The following TOPBP1 variants were observed in gnomAD, a reference collection of about 807,000 sequenced individuals.
The protein encoded by TOPBP1 is DNA topoisomerase 2-binding protein 1.
Under a neutral mutation model 167.7 loss-of-function variants are expected in TOPBP1, and 28 were observed. That is an observed-to-expected ratio of 0.17 (90% CI 0.12 to 0.23). TOPBP1 has a LOEUF of 0.23. Ranked by LOEUF, TOPBP1 falls within the 10% of genes least tolerant of loss-of-function variation. The probability of loss-of-function intolerance (pLI) is 1.00; values close to 1 mark genes in which losing one functional copy is unlikely to be tolerated. For synonymous variants in TOPBP1, 598 were observed against 611.4 expected, an observed-to-expected ratio of 0.98 and a Z score of 0.32; for missense variants, 1,554 against 1,809.6, an observed-to-expected ratio of 0.86 and a Z score of 2.56.
In TOPBP1 at chr3:133,612,460, C is replaced by A. The variant is rs1934714263; in HGVS notation, c.3964G>T (p.Val1322Leu). ...TGAAGCACCCACTTCCCAGCTGCCA[C>A]TGAGGCTAAATACTTCTCGTTTCGA... ...PLRNEKYLAS[V>L]AAGKWVLHRS... Residue 1322 changes from valine (V) to leucine (L), a missense_variant, in exon 24 of 28, where the codon GTG becomes TTG. Val to Leu is a conservative substitution (Grantham distance 32). Transcript: ENST00000260810. 3 of 1,613,892 alleles carry A rather than the reference C, an allele frequency of 1.9e-6. No individual in the cohort carries two copies. The highest frequency in any genetic ancestry group is 2.5e-6 in the Non-Finnish European group (3 of 1,179,878).
chr3:133,652,565 T>A lies in TOPBP1; in HGVS notation c.987A>T (p.Ile329=). 6.2e-7 allele frequency: 1 copy of A among 1,611,304 alleles called. No homozygotes were observed. The highest frequency in any genetic ancestry group is 2.2e-5 in the East Asian group (1 of 44,866). ...NINASCVSES[I]CNSLNSKLEP... ...CCAGTTTGCTGTTAAGTGAATTACATATTGATTCACTTACGCAACTTGCAT... is the reference window on the plus strand; with the variant it reads ...CCAGTTTGCTGTTAAGTGAATTACAAATTGATTCACTTACGCAACTTGCAT... The change falls in exon 8 of 28, where the codon ATA becomes ATT. Residue 329 remains isoleucine, a synonymous_variant. Coordinates refer to ENST00000260810, the MANE Select transcript of TOPBP1 (RefSeq NM_007027.4).
At chr3:133,648,163 CAG>C in intron 10 of TOPBP1, among the ~76,000 whole-genome samples, 1 of 152,244 alleles carries the variant, frequency 6.6e-6, no homozygotes, top group African/African-American at 2.4e-5. Context: ...ATCCAGCAGT[CAG>C]GGAAATAGAT....
chr3:133,655,502 G>A lies in TOPBP1; in HGVS notation c.546-16C>T. 4.5e-6 allele frequency: 6 copies of A among 1,320,160 alleles called. No homozygotes were observed. In the South Asian group the frequency reaches 6.1e-5, roughly 14 times the overall value. 81.8% of individuals were successfully genotyped at this position (1,320,160 alleles called of 1,614,324 possible). ...AGTTATTTTTCTGTGGGAATCAAATGGTTAAAAAAGAACATATTAAATTTA... is the reference window on the plus strand; with the variant it reads ...AGTTATTTTTCTGTGGGAATCAAATAGTTAAAAAAGAACATATTAAATTTA... On this transcript the variant is annotated splice_polypyrimidine_tract_variant and intron_variant, in intron 5 of 27. Coordinates refer to ENST00000260810, the MANE Select transcript of TOPBP1 (RefSeq NM_007027.4).
chr3:133,644,438 G>C (rs1294815666), intron 10 of TOPBP1, 75 bp from the exon 11 acceptor site: 6 of 1,288,190 alleles, frequency 4.7e-6, no homozygotes, highest in Non-Finnish European at 5.3e-6. Context: ...GGATATTAAC[G>C]TAACATGGAA....
chr3:133,622,425 T>G (rs1043861558), intron 19 of TOPBP1, among the ~76,000 whole-genome samples: 2 of 151,874 alleles, frequency 1.3e-5, no homozygotes, highest in African/African-American at 4.8e-5. Context: ...ACTCCTGACC[T>G]TGGGTGATCT....
rs774233549 is a variant in TOPBP1 at position 133,643,299 on chromosome 3, G to A, written c.1922C>T (p.Thr641Ile). 6.8e-6 allele frequency: 11 copies of A among 1,612,990 alleles called. No homozygotes were observed. The highest frequency in any genetic ancestry group is 1.6e-4 in the Middle Eastern group (1 of 6,078). Residue 641 changes from threonine (T) to isoleucine (I), a missense_variant, in exon 12 of 28, where the codon ACA becomes ATA. By Grantham distance (89) the Thr-to-Ile change is moderately conservative. Coordinates refer to ENST00000260810, the MANE Select transcript of TOPBP1 (RefSeq NM_007027.4). Reference sequence around the variant, plus strand: ...ACAATCCTCTAAAGGAGTCATTCCTGTCATTACTGGAACTGGTGTGAAGAG... The same window carrying A: ...ACAATCCTCTAAAGGAGTCATTCCTATCATTACTGGAACTGGTGTGAAGAG... ...NPLFTPVPVMTGMTPLEDCVI... is the reference protein window; with the variant it reads ...NPLFTPVPVMIGMTPLEDCVI...
chr3:133,633,733 A>G (rs1935571103), intron 14 of TOPBP1, among the ~76,000 whole-genome samples: 1 of 152,188 alleles, frequency 6.6e-6, no homozygotes, highest in South Asian at 2.1e-4. Context: ...CAAGGCTATA[A>G]TGGGCTGTGA....
intron 5 of TOPBP1, among the ~76,000 whole-genome samples, chr3:133,655,749 G>C (rs1347722187): frequency 1.3e-5 from 2 of 152,112 alleles, no homozygotes; most frequent in Non-Finnish European, 2.9e-5. Context: ...AGCCCTTGCT[G>C]GTCATAGTAT....
At chr3:133,652,852 A>G (rs1936350899) in intron 7 of TOPBP1, among the ~76,000 whole-genome samples, 1 of 152,202 alleles carries the variant, frequency 6.6e-6, no homozygotes, top group Non-Finnish European at 1.5e-5. Context: ...ACATTTTCTT[A>G]ATAGTGTCTT....
At position 133,601,090 on chromosome 3, in the gene TOPBP1, A is replaced by C. The variant is rs1576671835; in HGVS notation, c.*160T>G. ...AAACAGTTAATATTTCAGTGATTAC[A>C]ATTTCAGGTGTTCAAAACTCAAGAA... On this transcript the variant is annotated 3_prime_UTR_variant, in exon 28 of 28. Transcript: ENST00000260810. 1 of 527,802 alleles carries C rather than the reference A, an allele frequency of 1.9e-6. No individual in the cohort carries two copies. The allele number at this position is 527,802 out of a possible 1,614,324, so 32.7% of individuals were successfully genotyped here.
intron 4 of TOPBP1, 54 bp from the exon 5 acceptor site, chr3:133,656,911 CTT>C: frequency 7.2e-7 from 1 of 1,388,952 alleles, no homozygotes; most frequent in Non-Finnish European, 9.4e-7. Flanking sequence ...ATTGCTTCCA[CTT>C]TTATACACTA....
At chr3:133,660,616 C>G (rs115058339) in intron 2 of TOPBP1, among the ~76,000 whole-genome samples, 1,898 of 152,294 alleles carry the variant, frequency 0.012, 46 homozygotes, top group African/African-American at 0.043. Flanking sequence ...CTGCTGGGTT[C>G]TGTGAGAAGC....
chr3:133,623,118 C>T lies in TOPBP1; in HGVS notation c.3151G>A (p.Gly1051Arg), dbSNP rs1414880726. 1 of 1,609,744 alleles carries T rather than the reference C, an allele frequency of 6.2e-7. No individual in the cohort carries two copies. ...CCTTTAGAGTCATTCTTTCCACTTC[C>T]ATTTGATGGTGCTGACTCTTTATTA... ...TNNKESAPSN[G>R]SGKNDSKGVL... Residue 1051 changes from glycine to arginine, a missense_variant, in exon 19 of 28, where the codon GGA (glycine) becomes AGA (arginine). By Grantham distance (125) the Gly-to-Arg change is moderately radical. Transcript: ENST00000260810.
At position 133,628,392 on chromosome 3, in the gene TOPBP1, C is replaced by T. The variant is rs1292268980; in HGVS notation, c.2774G>A (p.Gly925Glu). The T allele has an allele frequency of 1.2e-6, 2 of 1,606,814 alleles. No homozygotes were observed. The highest frequency in any genetic ancestry group is 3.4e-5 in the Admixed American group (2 of 59,044). The change falls in exon 16 of 28, where the codon GGG (glycine) becomes GAG (glutamate). Residue 925 changes from glycine (G) to glutamate (E), a missense_variant. By Grantham distance (98) the Gly-to-Glu change is moderately conservative. Around this residue, in one of 3 missense-constraint regions of TOPBP1, gnomAD observed 1,197 missense variants for 1,351.5 expected, o/e 0.89. Coordinates refer to ENST00000260810, the MANE Select transcript of TOPBP1 (RefSeq NM_007027.4). ...KLSKKQSELN[G>E]IAASLGADYR... ...ATCTGCTCCTAGAGAGGCTGCGATC[C>T]CATTTAGTTCACTCTGCTTCTTACT...
chr3:133,635,547 C>T (rs571411248), intron 14 of TOPBP1, among the ~76,000 whole-genome samples: 29 of 152,312 alleles, frequency 1.9e-4, no homozygotes, highest in African/African-American at 5.3e-4. Context: ...TGAGCCACCA[C>T]GCCCAGCCCC....
intron 12 of TOPBP1, among the ~76,000 whole-genome samples, chr3:133,642,885 C>T (rs928569660): frequency 6.6e-6 from 1 of 152,148 alleles, no homozygotes; most frequent in Non-Finnish European, 1.5e-5. Context: ...GGTTCTCTAG[C>T]ATCTTTCAAA....
chr3:133,639,951 GT>G lies in TOPBP1; in HGVS notation c.2233+7del, dbSNP rs1271001871. The G allele has an allele frequency of 1.2e-6, 2 of 1,612,068 alleles. No individual in the cohort carries two copies. The highest frequency in any genetic ancestry group is 1.7e-6 in the Non-Finnish European group (2 of 1,178,774). ...ATATATATAAAAGAACAGAATAAAAGTATTAACCTTCTTTAGTTGAATTTTC... is the reference window on the plus strand; with the variant it reads ...ATATATATAAAAGAACAGAATAAAAGATTAACCTTCTTTAGTTGAATTTTC... On this transcript the variant is annotated splice_region_variant and intron_variant, in intron 13 of 27. Coordinates refer to ENST00000260810, the MANE Select transcript of TOPBP1 (RefSeq NM_007027.4).
intron 14 of TOPBP1, among the ~76,000 whole-genome samples, chr3:133,631,205 G>C (rs543111436): frequency 1.3e-5 from 2 of 152,160 alleles, no homozygotes; most frequent in African/African-American, 4.8e-5. Flanking sequence ...AACCCCAAAA[G>C]TTGATCATCT....
intron 17 of TOPBP1, 90 bp from the exon 18 acceptor site, chr3:133,623,547 T>G: frequency 7.3e-7 from 1 of 1,363,514 alleles, no homozygotes; most frequent in Admixed American, 3.0e-5. Flanking sequence ...CAATACATTA[T>G]ACTGTAATAT....
Sources: gnomAD v4.1 joint callset for allele counts (sites outside exome capture counted in the v4.1 genomes callset) on GRCh38, gnomAD v4.1.1 for gene constraint, gnomAD v4.1.1 regional missense constraint, MANE v1.5 for transcripts, NCBI Gene and HGNC (gene_info 2026-07-23, HGNC 2026-07-21) for gene names.